The following NAV3 variants were observed in gnomAD, a reference collection of about 807,000 sequenced individuals.
NAV3 encodes pore membrane and/or filament interacting like protein 1.
A neutral mutation model predicts 244.7 loss-of-function variants in NAV3; 87 were observed. That is an observed-to-expected ratio of 0.36 (90% CI 0.30 to 0.42). The LOEUF is 0.42. Among genes scored for constraint, NAV3 ranks in the 20% least tolerant of loss-of-function variants. NAV3 has a pLI of 1.00. For missense variants in NAV3, 2,663 were observed against 2,893.3 expected (o/e 0.92, Z 1.83); for synonymous variants, 1,126 against 1,042.2 (o/e 1.08, Z -1.55).
chr12:77,927,959 A>G (rs1888380151), intron 1 of NAV3, among the ~76,000 whole-genome samples: 1 of 152,014 alleles, frequency 6.6e-6, no homozygotes, highest in Non-Finnish European at 1.5e-5. Context: ...GGTGACTCAT[A>G]CCTGTAATCC....
intron 9 of NAV3, among the ~76,000 whole-genome samples, chr12:78,025,298 T>C (rs1240750782): frequency 2.6e-5 from 4 of 151,642 alleles, no homozygotes; most frequent in South Asian, 2.1e-4. Context: ...AATTCTCATG[T>C]TGAAATTTGA....
At chr12:77,996,903 A>G (rs1221246308) in intron 6 of NAV3, among the ~76,000 whole-genome samples, 1 of 152,208 alleles carries the variant, frequency 6.6e-6, no homozygotes, top group African/African-American at 2.4e-5. Context: ...CAAATACTAA[A>G]CAAAACTTTC....
intron 38 of NAV3, 130 bp from the exon 39 acceptor site, chr12:78,204,805 A>T: frequency 4.1e-6 from 3 of 733,932 alleles, no homozygotes; most frequent in Non-Finnish European, 4.4e-6. Flanking sequence ...AACTGTATAC[A>T]GATACTTAAT....
intron 5 of NAV3, among the ~76,000 whole-genome samples, chr12:77,976,696 A>G (rs1369842055): frequency 8.5e-4 from 41 of 48,274 alleles, no homozygotes; most frequent in African/African-American, 4.3e-3. Flanking sequence ...TTTTTTTGAG[A>G]CGGAGTCTTA....
chr12:77,906,777 A>G lies in NAV3; in HGVS notation c.244-33542A>G, dbSNP rs6538464. Among the ~76,000 whole-genome samples the G allele has an allele frequency of 8.3e-3, 1,259 of 152,234 alleles. 16 individuals are homozygous for G. Among genetic ancestry groups the G allele is most frequent in the Middle Eastern group, 0.027 (8 of 294 alleles). ...TTAATTCATATAAGAGTTTGGATGA[A>G]TGTCTGGCACATAGTAAATCTGTAT... is the stretch of plus-strand genomic sequence containing the variant. On this transcript the variant is annotated intron_variant, in intron 1 of 39. Coordinates refer to ENST00000397909, the MANE Select transcript of NAV3 (RefSeq NM_001024383.2).
At chr12:78,163,896 C>CT (rs1010797841) in intron 23 of NAV3, among the ~76,000 whole-genome samples, 1 of 152,034 alleles carries the variant, frequency 6.6e-6, no homozygotes, top group Non-Finnish European at 1.5e-5. Context: ...ACCTGATGCC[C>CT]TGAGGCATCC....
Position 78,211,493 on chromosome 12 carries a change from T to C in NAV3, c.*976T>C, listed in dbSNP as rs1037709683. 1.4e-5 allele frequency: 2 copies of C among 142,804 alleles called. No individual in the cohort carries two copies. Among genetic ancestry groups the C allele is most frequent in the Non-Finnish European group, 3.1e-5 (2 of 65,232 alleles). The allele number at this position is 142,804 out of a possible 1,614,324, so 8.8% of individuals were successfully genotyped here. The stretch of plus-strand genomic sequence containing the variant: ...TCTCTTTTTTTTTTTTTTGAAGAAA[T>C]GGATAGGAGAAAGATCAGTATTTTT... On this transcript the variant is annotated 3_prime_UTR_variant, in exon 40 of 40. Coordinates refer to ENST00000397909, the MANE Select transcript of NAV3 (RefSeq NM_001024383.2).
chr12:77,888,021 T>G (rs2254493), intron 1 of NAV3, among the ~76,000 whole-genome samples: 17,490 of 76,040 alleles, frequency 0.23, 1,032 homozygotes, highest in East Asian at 0.4. Context: ...CAAAAGTTGT[T>G]GAGTTTTTTT....
intron 2 of NAV3, among the ~76,000 whole-genome samples, chr12:77,677,193 A>C (rs1874244083): frequency 6.6e-6 from 1 of 152,254 alleles, no homozygotes. Context: ...CTTATGCAAC[A>C]AATATTGATT....
intron 5 of NAV3, among the ~76,000 whole-genome samples, chr12:77,992,422 G>A (rs1565995551): frequency 1.3e-5 from 2 of 152,290 alleles, no homozygotes; most frequent in South Asian, 4.1e-4. Flanking sequence ...AATGGAAAGA[G>A]TCAGCTGTTG....
chr12:77,801,554 A>G (rs950000833), intron 2 of NAV3, among the ~76,000 whole-genome samples: 1 of 152,128 alleles, frequency 6.6e-6, no homozygotes, highest in African/African-American at 2.4e-5. Flanking sequence ...AAGTAATAAT[A>G]TGTCTTTTCA....
At chr12:78,045,819 T>A (rs1881691017) in intron 9 of NAV3, among the ~76,000 whole-genome samples, 1 of 152,214 alleles carries the variant, frequency 6.6e-6, no homozygotes, top group Admixed American at 6.5e-5. Context: ...CCAGCTCCTC[T>A]TCGTAGTTCT....
At chr12:77,692,823 C>G (rs1453353898) in intron 2 of NAV3, among the ~76,000 whole-genome samples, 1 of 151,984 alleles carries the variant, frequency 6.6e-6, no homozygotes, top group Non-Finnish European at 1.5e-5. Flanking sequence ...GAAAAAGATA[C>G]ACACCAAAGA....
At chr12:78,060,362 G>A (rs1314388367) in intron 12 of NAV3, among the ~76,000 whole-genome samples, 3 of 151,978 alleles carry the variant, frequency 2.0e-5, no homozygotes, top group Non-Finnish European at 4.4e-5. Context: ...TTACCCACAG[G>A]CTGTTGATAT....
chr12:77,790,308 T>C (rs1382919101), intron 2 of NAV3, among the ~76,000 whole-genome samples: 1 of 152,228 alleles, frequency 6.6e-6, no homozygotes, highest in East Asian at 1.9e-4. Context: ...AGTTACGATA[T>C]GTTCAACTAG....
At chr12:78,079,256 G>A (rs1411781851) in intron 12 of NAV3, among the ~76,000 whole-genome samples, 1 of 152,126 alleles carries the variant, frequency 6.6e-6, no homozygotes, top group Non-Finnish European at 1.5e-5. Context: ...TGAAAAGACA[G>A]TGTGAGATTT....
chr12:77,829,382 C>G (rs1273952629), upstream of NAV3, among the ~76,000 whole-genome samples: 1 of 152,152 alleles, frequency 6.6e-6, no homozygotes. Context: ...AATATACTCC[C>G]AAAGTTGCAT....
intron 2 of NAV3, among the ~76,000 whole-genome samples, chr12:77,701,493 A>T (rs926493708): frequency 2.0e-5 from 3 of 151,760 alleles, no homozygotes; most frequent in South Asian, 2.1e-4. Context: ...ACAACTTTTG[A>T]CTGTTGTTTT....
At chr12:78,027,943 GT>G (rs141866599) in intron 9 of NAV3, among the ~76,000 whole-genome samples, 5,696 of 150,948 alleles carry the variant, frequency 0.038, 120 homozygotes, top group Admixed American at 0.062. Flanking sequence ...AAAAGGAAGC[GT>G]TTTTTTTTGT....
Sources: gnomAD v4.1 joint callset for allele counts (sites outside exome capture counted in the v4.1 genomes callset) on GRCh38, gnomAD v4.1.1 for gene constraint, MANE v1.5 for transcripts, NCBI Gene and HGNC (gene_info 2026-07-23, HGNC 2026-07-21) for gene names.